The following TAF6 variants were observed in gnomAD, a reference collection of about 807,000 sequenced individuals.
TAF6 encodes transcription initiation factor TFIID subunit 6.
Under a neutral mutation model 73.5 loss-of-function variants are expected in TAF6, and 50 were observed. That is an observed-to-expected ratio of 0.68 (90% CI 0.54 to 0.86). The LOEUF (loss-of-function observed/expected upper bound fraction) is 0.86, where lower values mean the gene tolerates loss of function less well. Ranked by LOEUF, TAF6 falls within the 40% of genes least tolerant of loss-of-function variation. The pLI is 0.00. For missense variants in TAF6, 768 were observed against 899.5 expected, an observed-to-expected ratio of 0.85 and a Z score of 1.87; for synonymous variants, 424 against 376.7, an observed-to-expected ratio of 1.13 and a Z score of -1.45.
upstream of TAF6, chr7:100,124,693 A>G (rs746547214): frequency 3.1e-6 from 5 of 1,613,318 alleles, no homozygotes; most frequent in Admixed American, 3.3e-5. Flanking sequence ...TCCAGGACTA[A>G]TATCTAAATT....
intron 10 of TAF6, among the ~76,000 whole-genome samples, chr7:100,110,935 TTG>T (rs1797126828): frequency 6.6e-6 from 1 of 150,566 alleles, no homozygotes; most frequent in African/African-American, 2.5e-5. Flanking sequence ...TCAGCAGAGA[TTG>T]CACCACTGCA....
chr7:100,124,907 C>CA, the TAF6 span: 1 of 1,567,588 alleles, frequency 6.4e-7, no homozygotes, highest in South Asian at 1.2e-5. Flanking sequence ...TTTGAGCCCC[C>CA]AGGAGGGGAA....
chr7:100,115,876 CAA>C (rs1236221644), intron 1 of TAF6, among the ~76,000 whole-genome samples: 2 of 152,058 alleles, frequency 1.3e-5, no homozygotes, highest in Non-Finnish European at 2.9e-5. Flanking sequence ...GAGGCTGAGG[CAA>C]GAGAATCACT....
the TAF6 span, chr7:100,124,971 G>C: frequency 2.7e-6 from 4 of 1,485,526 alleles, no homozygotes; most frequent in East Asian, 6.8e-5. Context: ...ACAGCTTTCA[G>C]GGTGTGTTTA....
In TAF6 at chr7:100,108,479, C is replaced by T. The variant is rs752573267; in HGVS notation, c.1346G>A (p.Arg449Gln). 2.5e-6 allele frequency: 4 copies of T among 1,613,728 alleles called. No homozygotes were observed. The highest frequency in any genetic ancestry group is 2.5e-6 in the Non-Finnish European group (3 of 1,179,802). The change falls in exon 13 of 15, where the codon CGG (arginine) becomes CAG (glutamine). Residue 449 changes from arginine (R) to glutamine (Q), a missense_variant. Arg to Gln is a conservative substitution (Grantham distance 43). Around this residue, in one of 5 missense-constraint regions of TAF6, gnomAD observed 350 missense variants for 352.3 expected, o/e 0.99. Transcript: ENST00000453269. ...RPPPDNQDAYRAEFGSLGPLL... is the reference protein window; with the variant it reads ...RPPPDNQDAYQAEFGSLGPLL... ...GGGCCCAAGGGACCCGAATTCTGCC[C>T]GATAGGCGTCCTGATTGTCAGGCGG...
chr7:100,124,961 A>T, the TAF6 span: 16 of 1,500,046 alleles, frequency 1.1e-5, no homozygotes, highest in Non-Finnish European at 1.4e-5. Context: ...TCCCTGCTCC[A>T]CAGCTTTCAG....
In TAF6 at chr7:100,107,089, C is replaced by G; in HGVS notation, c.*157G>C. The G allele has an allele frequency of 7.6e-7, 1 of 1,309,180 alleles. No homozygotes were observed. The highest frequency in any genetic ancestry group is 1.0e-6 in the Non-Finnish European group (1 of 968,766). The allele number at this position is 1,309,180 out of a possible 1,614,324, so 81.1% of individuals were successfully genotyped here. On this transcript the variant is annotated 3_prime_UTR_variant, in exon 15 of 15. Transcript: ENST00000453269. Reference sequence around the variant, plus strand: ...AGTGGATCAGAACTTACAAACCAAACTTTTATTCTGAGAAACTGGCTGTAC... The same window carrying G: ...AGTGGATCAGAACTTACAAACCAAAGTTTTATTCTGAGAAACTGGCTGTAC...
Position 100,110,236 on chromosome 7 carries a change from A to G in TAF6, c.1122T>C (p.Tyr374=), listed in dbSNP as rs746100962. ...GCTCAGCCAAGCCTGCGATGGAGCC[A>G]TAACGAGTCGTCCAGGGCGTCTTCT... ...VDEKTPWTTR[Y]GSIAGLAELG... is the part of the protein sequence containing the mutation. Residue 374 remains tyrosine, a synonymous_variant, in exon 11 of 15, where the codon TAT becomes TAC. Coordinates refer to ENST00000453269, the MANE Select transcript of TAF6 (RefSeq NM_139315.3). The G allele has an allele frequency of 3.1e-6, 5 of 1,614,192 alleles. No individual in the cohort carries two copies. The highest frequency in any genetic ancestry group is 1.6e-4 in the Middle Eastern group (1 of 6,062).
chr7:100,119,551 A>C (rs1427636127), upstream of TAF6: 1 of 1,394,612 alleles, frequency 7.2e-7, no homozygotes, highest in Non-Finnish European at 9.6e-7. Flanking sequence ...CAGGACCTTC[A>C]AGAGGCGCCA....
chr7:100,119,966 G>C, upstream of TAF6: 1 of 1,035,582 alleles, frequency 9.7e-7, no homozygotes, highest in Non-Finnish European at 1.4e-6. Flanking sequence ...CCTCCTTGAA[G>C]GCTTGAGGGA....
chr7:100,126,317 G>A, the TAF6 span, among the ~76,000 whole-genome samples: 1 of 152,184 alleles, frequency 6.6e-6, no homozygotes, highest in East Asian at 1.9e-4. Context: ...ACTCTAGCCT[G>A]GGCGACAGAA....
At chr7:100,117,398 C>T (rs569905339) in intron 1 of TAF6, among the ~76,000 whole-genome samples, 3 of 151,014 alleles carry the variant, frequency 2.0e-5, no homozygotes, top group Non-Finnish European at 3.0e-5. Flanking sequence ...CAGCCTCCTG[C>T]GTAGCTGGGA....
intron 12 of TAF6, chr7:100,108,811 G>A (rs1796860735): frequency 3.2e-6 from 1 of 311,554 alleles, no homozygotes; most frequent in Non-Finnish European, 5.9e-6. Flanking sequence ...GAGGTGGGTG[G>A]ATCACTTGAG....
In TAF6 at chr7:100,108,007, C is replaced by A; in HGVS notation, c.1575G>T (p.Ala525=). Residue 525 remains alanine, a synonymous_variant, in exon 14 of 15, where the codon GCG becomes GCT. Transcript: ENST00000453269. ...LPVQTLVSAR[A]AAPPQPSPPP... ...GAGGGGAAGGCTGTGGTGGGGCAGC[C>A]GCTCGTGCAGACACCAGTGTCTGGA... The A allele has an allele frequency of 6.2e-7, 1 of 1,613,914 alleles. No homozygotes were observed. Among genetic ancestry groups the A allele is most frequent in the South Asian group, 1.1e-5 (1 of 91,054 alleles).
At chr7:100,122,310 G>A (rs763707271), upstream of TAF6, 17 of 1,613,988 alleles carry the variant, frequency 1.1e-5, no homozygotes, top group Middle Eastern at 1.6e-4. Flanking sequence ...CGCACCGGTC[G>A]ATCTCGAGAG....
upstream of TAF6, chr7:100,121,142 T>A: frequency 1.9e-5 from 2 of 106,268 alleles, no homozygotes; most frequent in African/African-American, 7.0e-5. Flanking sequence ...TTTTTTTTTT[T>A]TTTTTTTTCT....
At chr7:100,119,582 C>A, upstream of TAF6, 1 of 1,465,056 alleles carries the variant, frequency 6.8e-7, no homozygotes, top group Non-Finnish European at 9.1e-7. Flanking sequence ...GCAGGGAAAC[C>A]CGTAGCAACG....
At position 100,107,128 on chromosome 7, in the gene TAF6, A is replaced by G; in HGVS notation, c.*118T>C. The G allele has an allele frequency of 7.1e-7, 1 of 1,415,438 alleles. No individual in the cohort carries two copies. The highest frequency in any genetic ancestry group is 9.4e-7 in the Non-Finnish European group (1 of 1,063,788). The allele number at this position is 1,415,438 out of a possible 1,614,324, so 87.7% of individuals were successfully genotyped here. On this transcript the variant is annotated 3_prime_UTR_variant, in exon 15 of 15. Coordinates refer to ENST00000453269, the MANE Select transcript of TAF6 (RefSeq NM_139315.3). Reference sequence around the variant, plus strand: ...AACTGGCTGTACAATATCTAAAAAGAAAGTGACATGAAGGAAGCAATCTAC... The same window carrying G: ...AACTGGCTGTACAATATCTAAAAAGGAAGTGACATGAAGGAAGCAATCTAC...
At position 100,108,490 on chromosome 7, in the gene TAF6, C is replaced by T. The variant is rs1796805859; in HGVS notation, c.1335G>A (p.Gln445=). The change falls in exon 13 of 15, where the codon CAG becomes CAA. Residue 445 remains glutamine, a synonymous_variant. Transcript: ENST00000453269. ...LAKLRPPPDN[Q]DAYRAEFGSL... is the part of the protein sequence containing the mutation. ...ACCCGAATTCTGCCCGATAGGCGTC[C>T]TGATTGTCAGGCGGTGGGCGCAGCT... 1.2e-6 allele frequency: 2 copies of T among 1,613,694 alleles called. No homozygotes were observed. The highest frequency in any genetic ancestry group is 2.7e-5 in the African/African-American group (2 of 74,928).
Sources: allele counts gnomAD v4.1 joint callset (sites outside exome capture counted in the v4.1 genomes callset), GRCh38; gene constraint gnomAD v4.1.1; regional missense constraint gnomAD v4.1.1; transcripts MANE v1.5; gene names NCBI Gene and HGNC (gene_info 2026-07-23, HGNC 2026-07-21).